Variants in HPCAL1 observed in about 807,000 individuals in gnomAD.
HPCAL1 encodes hippocalcin-like protein 1.
A neutral mutation model predicts 17.1 loss-of-function variants in HPCAL1; 8 were observed. The observed-to-expected ratio is 0.47, with a 90% CI of 0.27 to 0.84. HPCAL1 has a LOEUF of 0.84. Ranked by LOEUF, HPCAL1 falls within the 40% of genes least tolerant of loss-of-function variation. HPCAL1 has a pLI of 0.13. For synonymous variants in HPCAL1, 112 were observed against 111.4 expected, an observed-to-expected ratio of 1.01 and a Z score of -0.03; for missense variants, 165 against 271.1, an observed-to-expected ratio of 0.61 and a Z score of 2.75.
intron 2 of HPCAL1, among the ~76,000 whole-genome samples, chr2:10,415,886 C>G (rs899941878): frequency 6.6e-6 from 1 of 152,224 alleles, no homozygotes; most frequent in Admixed American, 6.5e-5. Flanking sequence ...CTAGCGAGCT[C>G]CATGGGCTCT....
At chr2:10,333,836 G>A (rs913108267) in intron 1 of HPCAL1, among the ~76,000 whole-genome samples, 1 of 152,068 alleles carries the variant, frequency 6.6e-6, no homozygotes, top group Non-Finnish European at 1.5e-5. Context: ...TAGAAACATA[G>A]GTGAAGAGAC....
chr2:10,312,575 C>G (rs1483604569), intron 1 of HPCAL1, among the ~76,000 whole-genome samples: 1 of 151,178 alleles, frequency 6.6e-6, no homozygotes, highest in Non-Finnish European at 1.5e-5. Flanking sequence ...CCATCCTCAT[C>G]ATCATCACCA....
chr2:10,348,550 G>GC (rs1286930461), intron 1 of HPCAL1, among the ~76,000 whole-genome samples: 1 of 151,686 alleles, frequency 6.6e-6, no homozygotes, highest in Non-Finnish European at 1.5e-5. Context: ...GATCGCTTGA[G>GC]CCCAGGAGTA....
At chr2:10,351,881 T>A in intron 1 of HPCAL1, among the ~76,000 whole-genome samples, 1 of 149,674 alleles carries the variant, frequency 6.7e-6, no homozygotes, top group Non-Finnish European at 1.5e-5. Flanking sequence ...CACCATTGAG[T>A]TCCTTCCTTC....
chr2:10,393,931 G>A (rs1668851731), intron 1 of HPCAL1, among the ~76,000 whole-genome samples: 1 of 148,792 alleles, frequency 6.7e-6, no homozygotes, highest in African/African-American at 2.5e-5. Flanking sequence ...CCTGGGCAAT[G>A]CAGTGAGATC....
chr2:10,399,557 T>TACCGCCACCGCCACCACCACCGCC (rs1423598208), intron 2 of HPCAL1, among the ~76,000 whole-genome samples: 16 of 84,176 alleles, frequency 1.9e-4, no homozygotes, highest in African/African-American at 5.1e-4. Flanking sequence ...CCGCCACCAC[T>TACCGCCACCGCCACCACCACCGCC]ACCGCCACCG....
chr2:10,399,512 CGCCGCCACCACCGCCACT>C (rs1422847387), intron 2 of HPCAL1, among the ~76,000 whole-genome samples: 3 of 126,556 alleles, frequency 2.4e-5, no homozygotes, highest in African/African-American at 6.2e-5. Flanking sequence ...TCACCACCAC[CGCCGCCACCACCGCCACT>C]GCCACCGCCA....
chr2:10,375,001 A>T (rs1667462998), intron 1 of HPCAL1, among the ~76,000 whole-genome samples: 1 of 152,154 alleles, frequency 6.6e-6, no homozygotes. Context: ...GCCGCAGAGG[A>T]GTAGGCCTTG....
chr2:10,357,717 G>A (rs1666252728), intron 1 of HPCAL1, among the ~76,000 whole-genome samples: 1 of 152,092 alleles, frequency 6.6e-6, no homozygotes, highest in African/African-American at 2.4e-5. Context: ...TTCCCCACCT[G>A]CAGTTTACAG....
intron 1 of HPCAL1, among the ~76,000 whole-genome samples, chr2:10,315,127 T>G (rs748154363): frequency 4.3e-4 from 65 of 152,012 alleles, no homozygotes; most frequent in Admixed American, 1.2e-3. Flanking sequence ...CCGTCTCTAC[T>G]AAAAATACAA....
chr2:10,378,916 G>C (rs1443475798), intron 1 of HPCAL1, among the ~76,000 whole-genome samples: 1 of 152,202 alleles, frequency 6.6e-6, no homozygotes, highest in Non-Finnish European at 1.5e-5. Flanking sequence ...CTTCTGGTCA[G>C]TATTCATTTA....
chr2:10,411,727 G>A (rs578128224), intron 2 of HPCAL1, among the ~76,000 whole-genome samples: 4 of 152,280 alleles, frequency 2.6e-5, no homozygotes, highest in East Asian at 3.9e-4. Context: ...TGAGCACCCC[G>A]CTGGCACCAG....
chr2:10,318,079 A>G (rs1663431656), intron 1 of HPCAL1, among the ~76,000 whole-genome samples: 1 of 152,212 alleles, frequency 6.6e-6, no homozygotes, highest in African/African-American at 2.4e-5. Flanking sequence ...ATACATGAAA[A>G]AAATCCTATT....
chr2:10,392,970 G>T (rs549768096), intron 1 of HPCAL1, among the ~76,000 whole-genome samples: 1 of 152,180 alleles, frequency 6.6e-6, no homozygotes, highest in Non-Finnish European at 1.5e-5. Context: ...TCTCCCAAGC[G>T]CTCAGCCAAA....
At chr2:10,399,442 T>G (rs796147826) in intron 2 of HPCAL1, among the ~76,000 whole-genome samples, 1 of 20,168 alleles carries the variant, frequency 5.0e-5, no homozygotes, top group African/African-American at 1.6e-4. Flanking sequence ...ACCACCACCA[T>G]CACCATCACC....
intron 2 of HPCAL1, among the ~76,000 whole-genome samples, chr2:10,397,220 C>T (rs918324368): frequency 1.3e-5 from 2 of 151,914 alleles, no homozygotes; most frequent in African/African-American, 4.8e-5. Context: ...TTCTGTTTGG[C>T]GATTTGTCAG....
rs192996141 is a variant in HPCAL1, at chr2:10,340,709, C to A, written c.-111+37532C>A. Among the ~76,000 whole-genome samples, 7 of 152,288 alleles carry A rather than the reference C, an allele frequency of 4.6e-5. No homozygotes were observed. In the East Asian group the frequency reaches 7.7e-4, roughly 17 times the overall value. ...TCAGACATCAGGGCTTCCTTTCAGA[C>A]TGAGTCTTATCCCTAAGCACTGTTG... On this transcript the variant is annotated intron_variant, in intron 1 of 4. Coordinates refer to ENST00000307845, the MANE Select transcript of HPCAL1 (RefSeq NM_002149.4).
chr2:10,356,594 T>C (rs1666173722), intron 1 of HPCAL1, among the ~76,000 whole-genome samples: 1 of 152,080 alleles, frequency 6.6e-6, no homozygotes, highest in Non-Finnish European at 1.5e-5. Flanking sequence ...ACGTATAAGG[T>C]GGCATTTGAA....
chr2:10,370,176 C>A (rs1469727086), intron 1 of HPCAL1, among the ~76,000 whole-genome samples: 1 of 152,250 alleles, frequency 6.6e-6, no homozygotes, highest in African/African-American at 2.4e-5. Flanking sequence ...TTTCTCCTTC[C>A]CTTCAGTAGT....
Sources: allele counts gnomAD v4.1 joint callset (sites outside exome capture counted in the v4.1 genomes callset), GRCh38; gene constraint gnomAD v4.1.1; transcripts MANE v1.5; gene names NCBI Gene and HGNC (gene_info 2026-07-23, HGNC 2026-07-21).